FRMD4A: variants seen among roughly 807,000 people sequenced by gnomAD.
FRMD4A encodes FERM domain containing 4A.
In FRMD4A, 29 loss-of-function variants were observed where a neutral mutation model predicts 129.1. The observed-to-expected ratio is 0.22, with a 90% CI of 0.17 to 0.31. The LOEUF is 0.31. Among genes scored for constraint, FRMD4A ranks in the 10% least tolerant of loss-of-function variants. FRMD4A has a pLI of 1.00. For missense variants in FRMD4A, 1,272 were observed against 1,375.8 expected, an observed-to-expected ratio of 0.92 and a Z score of 1.19; for synonymous variants, 634 against 571.6, an observed-to-expected ratio of 1.11 and a Z score of -1.56.
intron 2 of FRMD4A, among the ~76,000 whole-genome samples, chr10:13,881,473 C>T (rs896563244): frequency 6.6e-6 from 1 of 152,036 alleles, no homozygotes; most frequent in African/African-American, 2.4e-5. Context: ...ATTCTCTTCC[C>T]ATTTGACATA....
intron 2 of FRMD4A, among the ~76,000 whole-genome samples, chr10:14,045,923 A>G (rs1833973651): frequency 6.8e-6 from 1 of 147,698 alleles, no homozygotes; most frequent in African/African-American, 2.5e-5. Context: ...ATCATATTTA[A>G]TGTATTAATA....
rs193221633 is a variant in FRMD4A, at chr10:14,067,099, T to C, written c.46-208187A>G. 2.3e-4 allele frequency among the ~76,000 whole-genome samples: 34 copies of C among 150,704 alleles called. 1 individual carries two copies. The East Asian group carries it at 6.0e-3, about 27-fold the overall frequency. ...TTGGGAGGCCGAGGTGGGTGGATCATGAGGTCAGGAATTCGAGACCAGCCT... is the reference window on the plus strand; with the variant it reads ...TTGGGAGGCCGAGGTGGGTGGATCACGAGGTCAGGAATTCGAGACCAGCCT... On this transcript the variant is annotated intron_variant, in intron 2 of 24. Transcript: ENST00000357447.
At chr10:14,120,377 C>T (rs1177195775) in intron 2 of FRMD4A, among the ~76,000 whole-genome samples, 2 of 152,148 alleles carry the variant, frequency 1.3e-5, no homozygotes, top group African/African-American at 4.8e-5. Flanking sequence ...CCAATACCCT[C>T]TCCCATACTC....
intron 2 of FRMD4A, among the ~76,000 whole-genome samples, chr10:14,255,916 G>A (rs1201601621): frequency 6.8e-6 from 1 of 147,764 alleles, no homozygotes; most frequent in Non-Finnish European, 1.5e-5. Flanking sequence ...TGAGGCACAA[G>A]AATCACTTGA....
chr10:14,024,365 T>C (rs1018484595), intron 2 of FRMD4A, among the ~76,000 whole-genome samples: 2 of 152,210 alleles, frequency 1.3e-5, no homozygotes, highest in African/African-American at 4.8e-5. Flanking sequence ...AACACATCCA[T>C]GAGCAGGTGC....
At chr10:14,020,334 A>G (rs1832684806) in intron 2 of FRMD4A, among the ~76,000 whole-genome samples, 1 of 152,140 alleles carries the variant, frequency 6.6e-6, no homozygotes, top group Non-Finnish European at 1.5e-5. Context: ...CATTCCCCCA[A>G]AGCCCCCCAG....
At chr10:13,753,255 G>C (rs1282539797) in intron 8 of FRMD4A, among the ~76,000 whole-genome samples, 2 of 152,154 alleles carry the variant, frequency 1.3e-5, no homozygotes, top group Non-Finnish European at 2.9e-5. Context: ...AGAAAAGAGA[G>C]CACCTGCCTA....
chr10:13,789,994 G>T (rs114906512), intron 5 of FRMD4A, among the ~76,000 whole-genome samples: 1 of 152,172 alleles, frequency 6.6e-6, no homozygotes, highest in South Asian at 2.1e-4. Flanking sequence ...AGGGGTCAAG[G>T]CCAGACGCAG....
intron 2 of FRMD4A, among the ~76,000 whole-genome samples, chr10:13,884,913 A>G (rs576062061): frequency 6.6e-6 from 1 of 152,228 alleles, no homozygotes; most frequent in Non-Finnish European, 1.5e-5. Context: ...AATTGATTTC[A>G]GTATTATAAG....
intron 5 of FRMD4A, among the ~76,000 whole-genome samples, chr10:13,791,479 A>G (rs1004703252): frequency 2.0e-5 from 3 of 151,330 alleles, no homozygotes; most frequent in African/African-American, 7.3e-5. Flanking sequence ...GAGAGAGAGA[A>G]AGTGTGAGCA....
chr10:13,667,724 A>C (rs773745423), intron 17 of FRMD4A: 3 of 152,258 alleles, frequency 2.0e-5, no homozygotes, highest in Non-Finnish European at 4.4e-5. Context: ...CCTCCGGATC[A>C]GAGCTAGCTC....
At chr10:14,276,342 A>G (rs929272298) in intron 2 of FRMD4A, among the ~76,000 whole-genome samples, 1 of 152,196 alleles carries the variant, frequency 6.6e-6, no homozygotes, top group African/African-American at 2.4e-5. Flanking sequence ...GAACTGGTAC[A>G]GCTTTGACTC....
intron 2 of FRMD4A, among the ~76,000 whole-genome samples, chr10:14,051,479 T>C (rs981039486): frequency 6.6e-6 from 1 of 152,182 alleles, no homozygotes; most frequent in African/African-American, 2.4e-5. Flanking sequence ...AGCGCAAGGA[T>C]AAGCCTGCCA....
rs577704948 is a variant in FRMD4A at position 13,649,866 on chromosome 10, GTAAAAACC to G, written c.*2+2029_*2+2036del. Among the ~76,000 whole-genome samples the G allele has an allele frequency of 1.4e-4, 22 of 152,324 alleles. 1 individual carries two copies. The East Asian group carries it at 3.3e-3, about 23-fold the overall frequency. On this transcript the variant is annotated intron_variant, in intron 24 of 24. Transcript: ENST00000357447. ...ATGGGGCCACTAAATAGTTGCCCTA[GTAAAAACC>G]TAAAAACCTAAGTCAGTCATTCACT...
In FRMD4A at chr10:14,064,337, G is replaced by A. The variant is rs532028246; in HGVS notation, c.46-205425C>T. 1.1e-4 allele frequency among the ~76,000 whole-genome samples: 16 copies of A among 152,256 alleles called. No homozygotes were observed. The South Asian group carries it at 1.2e-3, about 12-fold the overall frequency. ...CTGTAGTGCTTTTAAATTACATGTC[G>A]TTAAGGCCACTTCCAGTAGTCTCAG... is the stretch of plus-strand genomic sequence containing the variant. On this transcript the variant is annotated intron_variant, in intron 2 of 24. Coordinates refer to ENST00000357447, the MANE Select transcript of FRMD4A (RefSeq NM_018027.5).
chr10:13,960,469 T>C (rs1365957623), intron 2 of FRMD4A, among the ~76,000 whole-genome samples: 1 of 152,216 alleles, frequency 6.6e-6, no homozygotes, highest in Non-Finnish European at 1.5e-5. Flanking sequence ...ATGTACTATT[T>C]CTCAGGTTTG....
At position 14,190,002 on chromosome 10, in the gene FRMD4A, T is replaced by C. The variant is rs142108149; in HGVS notation, c.45+140056A>G. ...ACATGAAGCACCTTGATACCTCTAA[T>C]ACATAAGCCTAAGGCAGTAAATCAG... is the stretch of plus-strand genomic sequence containing the variant. On this transcript the variant is annotated intron_variant, in intron 2 of 24. Coordinates refer to ENST00000357447, the MANE Select transcript of FRMD4A (RefSeq NM_018027.5). 6.5e-3 allele frequency among the ~76,000 whole-genome samples: 997 copies of C among 152,310 alleles called. 25 individuals are homozygous for C. The highest frequency in any genetic ancestry group is 0.037 in the East Asian group (194 of 5,182).
intron 2 of FRMD4A, among the ~76,000 whole-genome samples, chr10:14,134,354 T>C (rs1839422607): frequency 6.6e-6 from 1 of 151,138 alleles, no homozygotes; most frequent in Admixed American, 6.6e-5. Flanking sequence ...GATGAATTGA[T>C]GAATGGATGG....
intron 2 of FRMD4A, among the ~76,000 whole-genome samples, chr10:14,230,878 G>A (rs968903646): frequency 6.6e-6 from 1 of 152,188 alleles, no homozygotes; most frequent in African/African-American, 2.4e-5. Flanking sequence ...GTGAGAACAT[G>A]TGGTATTTGA....
Sources: allele counts gnomAD v4.1 joint callset (sites outside exome capture counted in the v4.1 genomes callset), GRCh38; gene constraint gnomAD v4.1.1; transcripts MANE v1.5; gene names NCBI Gene and HGNC (gene_info 2026-07-23, HGNC 2026-07-21).